PDE1A: variants seen among roughly 807,000 people sequenced by gnomAD.
PDE1A encodes the protein phosphodiesterase 1A.
Under a neutral mutation model 61.7 loss-of-function variants are expected in PDE1A, and 35 were observed. The ratio of observed to expected loss-of-function variants is 0.57; its 90% CI spans 0.43 to 0.75. The LOEUF is 0.75. Ranked by LOEUF, PDE1A falls within the 30% of genes least tolerant of loss-of-function variation. The probability of loss-of-function intolerance (pLI) is 0.00; values close to 1 mark genes in which losing one functional copy is unlikely to be tolerated. For missense variants in PDE1A, 597 were observed against 630.6 expected (o/e 0.95, Z 0.57); for synonymous variants, 232 against 213.2 (o/e 1.09, Z -0.77).
At chr2:182,441,359 T>C (rs1274607259) in intron 2 of PDE1A, among the ~76,000 whole-genome samples, 2 of 151,902 alleles carry the variant, frequency 1.3e-5, no homozygotes, top group African/African-American at 2.4e-5. Context: ...TCATTTTATA[T>C]GTATAAATCT....
At chr2:182,657,017 A>G in the PDE1A span, among the ~76,000 whole-genome samples, 1 of 152,114 alleles carries the variant, frequency 6.6e-6, no homozygotes, top group Admixed American at 6.5e-5. Flanking sequence ...AAGGTCAAGA[A>G]ATCAAGACCA....
chr2:182,392,627 C>A (rs1037597416), intron 1 of PDE1A, among the ~76,000 whole-genome samples: 1 of 152,176 alleles, frequency 6.6e-6, no homozygotes, highest in African/African-American at 2.4e-5. Context: ...TCCCTTCTGC[C>A]TATGAGACTG....
At chr2:182,613,421 G>A in the PDE1A span, among the ~76,000 whole-genome samples, 2 of 151,972 alleles carry the variant, frequency 1.3e-5, no homozygotes, top group African/African-American at 2.4e-5. Flanking sequence ...AAATTAGCCG[G>A]GCATGGTGAT....
intron 13 of PDE1A, among the ~76,000 whole-genome samples, chr2:182,155,873 AAG>A (rs764737047): frequency 6.6e-6 from 1 of 152,186 alleles, no homozygotes; most frequent in African/African-American, 2.4e-5. Flanking sequence ...CCTGGGCAAA[AAG>A]AGAGAAACTC....
intron 1 of PDE1A, among the ~76,000 whole-genome samples, chr2:182,323,820 G>C (rs1380656627): frequency 1.3e-5 from 2 of 152,118 alleles, no homozygotes; most frequent in Non-Finnish European, 2.9e-5. Context: ...AGCTTCCAAG[G>C]GATTTCCACC....
At chr2:182,153,619 A>G (rs920494063) in intron 13 of PDE1A, among the ~76,000 whole-genome samples, 1 of 152,216 alleles carries the variant, frequency 6.6e-6, no homozygotes, top group African/African-American at 2.4e-5. Flanking sequence ...ACAGGCATTG[A>G]TTGAAGGTAG....
chr2:182,464,801 T>C (rs559343808), intron 2 of PDE1A, among the ~76,000 whole-genome samples: 2 of 152,026 alleles, frequency 1.3e-5, no homozygotes, highest in African/African-American at 4.8e-5. Flanking sequence ...ACCAACCTAA[T>C]AGGAATCTTG....
intron 2 of PDE1A, among the ~76,000 whole-genome samples, chr2:182,484,210 A>G (rs1167695194): frequency 2.0e-5 from 3 of 152,026 alleles, no homozygotes; most frequent in Admixed American, 1.3e-4. Context: ...AACCTTTTTC[A>G]TCAACTAGAG....
chr2:182,638,957 C>A, the PDE1A span, among the ~76,000 whole-genome samples: 3 of 152,182 alleles, frequency 2.0e-5, no homozygotes, highest in African/African-American at 7.2e-5. Flanking sequence ...TCAGCCCAGA[C>A]TCTGAAGACA....
intron 1 of PDE1A, among the ~76,000 whole-genome samples, chr2:182,321,453 T>G (rs1332465854): frequency 6.6e-6 from 1 of 152,124 alleles, no homozygotes; most frequent in Non-Finnish European, 1.5e-5. Flanking sequence ...AATCTTTGCT[T>G]TTTTTTGGTT....
intron 2 of PDE1A, among the ~76,000 whole-genome samples, chr2:182,458,086 G>C (rs1005611634): frequency 1.3e-5 from 2 of 151,998 alleles, no homozygotes; most frequent in African/African-American, 4.8e-5. Flanking sequence ...ATTTACAACA[G>C]TAGTTACAGC....
chr2:182,469,853 G>A (rs2125801223), intron 2 of PDE1A, among the ~76,000 whole-genome samples: 1 of 151,936 alleles, frequency 6.6e-6, no homozygotes, highest in East Asian at 1.9e-4. Flanking sequence ...CAGGGAACAG[G>A]GAGGCTAAGG....
chr2:182,247,793 CAT>C (rs1280283422), intron 2 of PDE1A, among the ~76,000 whole-genome samples: 1 of 152,158 alleles, frequency 6.6e-6, no homozygotes, highest in African/African-American at 2.4e-5. Context: ...ACATGTAAAA[CAT>C]ATATTTTGTC....
intron 1 of PDE1A, among the ~76,000 whole-genome samples, chr2:182,291,402 G>A (rs1694524104): frequency 6.6e-6 from 1 of 152,170 alleles, no homozygotes; most frequent in Non-Finnish European, 1.5e-5. Context: ...TACTGATGCA[G>A]GGTTAATCAC....
chr2:182,384,614 T>C (rs1387568428), intron 1 of PDE1A, among the ~76,000 whole-genome samples: 1 of 151,834 alleles, frequency 6.6e-6, no homozygotes, highest in African/African-American at 2.4e-5. Context: ...TGAAAATATG[T>C]AGTCAGAAGA....
intron 1 of PDE1A, among the ~76,000 whole-genome samples, chr2:182,323,163 T>C (rs1218865751): frequency 1.3e-5 from 2 of 152,150 alleles, no homozygotes; most frequent in Non-Finnish European, 2.9e-5. Context: ...TTTGAACTTA[T>C]AAACCAATTA....
chr2:182,236,681 TTTA>T (rs1276758005), intron 3 of PDE1A, among the ~76,000 whole-genome samples: 2 of 152,136 alleles, frequency 1.3e-5, no homozygotes, highest in Non-Finnish European at 2.9e-5. Flanking sequence ...AGCCATCATT[TTTA>T]TTATTATTTT....
At chr2:182,707,833 T>C in the PDE1A span, among the ~76,000 whole-genome samples, 1 of 152,128 alleles carries the variant, frequency 6.6e-6, no homozygotes, top group African/African-American at 2.4e-5. Flanking sequence ...CGCAATTAAA[T>C]TGTGGTTACT....
chr2:182,141,073 T>C (rs1055241158), exon 15 of PDE1A: 3 of 152,094 alleles, frequency 2.0e-5, no homozygotes, highest in Non-Finnish European at 4.4e-5. Context: ...ATTCCTCTAC[T>C]TTTTAGTAAT....
Sources: allele counts gnomAD v4.1 joint callset (sites outside exome capture counted in the v4.1 genomes callset), GRCh38; gene constraint gnomAD v4.1.1; transcripts MANE v1.5; gene names NCBI Gene and HGNC (gene_info 2026-07-23, HGNC 2026-07-21).